Variants in ADAM12 observed in about 807,000 individuals in gnomAD.
ADAM12 encodes the protein disintegrin and metalloproteinase domain-containing protein 12.
Under a neutral mutation model 106.4 loss-of-function variants are expected in ADAM12, and 70 were observed. The observed-to-expected ratio is 0.66, with a 90% CI of 0.54 to 0.80. ADAM12 has a LOEUF of 0.80. Ranked by LOEUF, ADAM12 falls within the 30% of genes least tolerant of loss-of-function variation. ADAM12 has a pLI of 0.00. For missense variants in ADAM12, 1,010 were observed against 1,171.9 expected, an observed-to-expected ratio of 0.86 and a Z score of 2.02; for synonymous variants, 420 against 433.5, an observed-to-expected ratio of 0.97 and a Z score of 0.39.
chr10:126,052,377 G>A (rs757754699), intron 14 of ADAM12, among the ~76,000 whole-genome samples: 12 of 152,236 alleles, frequency 7.9e-5, no homozygotes, highest in Non-Finnish European at 1.3e-4. Context: ...GGTGGGTGGA[G>A]TTGACATCAC....
intron 8 of ADAM12, among the ~76,000 whole-genome samples, chr10:126,102,934 C>T (rs1047412846): frequency 6.6e-6 from 1 of 152,098 alleles, no homozygotes; most frequent in African/African-American, 2.4e-5. Context: ...AAAGCAGAAA[C>T]GGAGGCGATC....
At chr10:126,350,526 T>C (rs779034736) in intron 1 of ADAM12, among the ~76,000 whole-genome samples, 1 of 152,216 alleles carries the variant, frequency 6.6e-6, no homozygotes, top group Non-Finnish European at 1.5e-5. Flanking sequence ...CCCTGTCAAC[T>C]CCATCATTCT....
intron 3 of ADAM12, among the ~76,000 whole-genome samples, chr10:126,254,194 G>A (rs1310012320): frequency 6.6e-6 from 1 of 152,194 alleles, no homozygotes; most frequent in Admixed American, 6.5e-5. Context: ...TCTGCAGGCA[G>A]CCTCCCTGGG....
intron 11 of ADAM12, among the ~76,000 whole-genome samples, chr10:126,084,232 G>A (rs1022899451): frequency 3.9e-5 from 6 of 152,152 alleles, no homozygotes; most frequent in Non-Finnish European, 8.8e-5. Flanking sequence ...GAAGCTTCTG[G>A]ACGTTACCAG....
intron 11 of ADAM12, among the ~76,000 whole-genome samples, chr10:126,081,076 A>G (rs1410147191): frequency 1.4e-5 from 2 of 141,514 alleles, no homozygotes; most frequent in African/African-American, 5.5e-5. Flanking sequence ...TGGAGAAACC[A>G]GCTATAATCA....
At chr10:126,158,561 G>A (rs1417148984) in intron 3 of ADAM12, among the ~76,000 whole-genome samples, 10 of 114,560 alleles carry the variant, frequency 8.7e-5, no homozygotes, top group African/African-American at 3.2e-4. Context: ...CAGAGCATGG[G>A]GCAGGGATGC....
rs903891695 is a variant in ADAM12 at position 126,023,824 on chromosome 10, G to A, written c.2530-3999C>T. 1.3e-5 allele frequency among the ~76,000 whole-genome samples: 2 copies of A among 151,934 alleles called. 1 individual carries two copies. The highest frequency in any genetic ancestry group is 4.8e-5 in the African/African-American group (2 of 41,334). ...AAACTGGTACTGCCTCCAGGCACCT[G>A]GCAGAGGCAAAATAGCCCTTTATGG... On this transcript the variant is annotated intron_variant, in intron 21 of 22. Coordinates refer to ENST00000448723, the MANE Select transcript of ADAM12 (RefSeq NM_001288973.2).
intron 5 of ADAM12, among the ~76,000 whole-genome samples, chr10:126,129,253 G>A (rs1458580248): frequency 6.6e-6 from 1 of 152,210 alleles, no homozygotes; most frequent in African/African-American, 2.4e-5. Context: ...TGAGAGAGCG[G>A]GGCAAGAGAA....
rs920103359 is a variant in ADAM12, at chr10:126,364,126, T to C, written c.88+23932A>G. Among the ~76,000 whole-genome samples the C allele has an allele frequency of 3.9e-4, 60 of 151,990 alleles. 2 individuals carry two copies. The highest frequency in any genetic ancestry group is 2.9e-5 in the Non-Finnish European group (2 of 67,978). ...CATGTCTAAAAAAAGTTAATAAAAT[T>C]CAGTATCCAATACTTTTTTTTTTAA... is the stretch of plus-strand genomic sequence containing the variant. On this transcript the variant is annotated intron_variant, in intron 1 of 22. Transcript: ENST00000448723.
At chr10:126,136,890 C>G (rs1046683145) in intron 4 of ADAM12, among the ~76,000 whole-genome samples, 3 of 152,098 alleles carry the variant, frequency 2.0e-5, no homozygotes, top group African/African-American at 7.2e-5. Flanking sequence ...TAATACTCTG[C>G]CTGTTATTAC....
chr10:126,212,468 C>G (rs1207757160), intron 3 of ADAM12, among the ~76,000 whole-genome samples: 1 of 152,140 alleles, frequency 6.6e-6, no homozygotes, highest in African/African-American at 2.4e-5. Context: ...CTTGATTAAA[C>G]ATTGGTTTAT....
intron 3 of ADAM12, among the ~76,000 whole-genome samples, chr10:126,155,767 G>A (rs1262494626): frequency 2.6e-5 from 4 of 152,184 alleles, no homozygotes; most frequent in Non-Finnish European, 5.9e-5. Flanking sequence ...CCACAGCAGT[G>A]CCCCTGCTGG....
rs1295182369 is a variant in ADAM12, at chr10:126,066,155, T to C, written c.1413+562A>G. ...ACTCTCAGATATCAGCTCTGAATAATGAGACAATGGAACTGCCAAAAGAAA... is the reference window on the plus strand; with the variant it reads ...ACTCTCAGATATCAGCTCTGAATAACGAGACAATGGAACTGCCAAAAGAAA... On this transcript the variant is annotated intron_variant, in intron 13 of 22. Coordinates refer to ENST00000448723, the MANE Select transcript of ADAM12 (RefSeq NM_001288973.2). The surrounding 1 kb of genome is among the most constrained non-coding windows in gnomAD (Gnocchi z 5.1). 6.6e-6 allele frequency among the ~76,000 whole-genome samples: 1 copy of C among 152,148 alleles called. No individual in the cohort carries two copies. Among genetic ancestry groups the C allele is most frequent in the Non-Finnish European group, 1.5e-5 (1 of 68,038 alleles).
intron 5 of ADAM12, among the ~76,000 whole-genome samples, chr10:126,135,211 A>T (rs1446809502): frequency 1.3e-5 from 2 of 152,264 alleles, no homozygotes; most frequent in Non-Finnish European, 2.9e-5. Context: ...ACATTAAGCC[A>T]GCAGCTTCAA....
chr10:126,195,060 T>C (rs974410901), intron 3 of ADAM12, among the ~76,000 whole-genome samples: 1 of 147,744 alleles, frequency 6.8e-6, no homozygotes, highest in African/African-American at 2.6e-5. Context: ...TGTAGAATCT[T>C]AAAAAGTTAA....
At chr10:126,262,048 G>A (rs1959012410) in intron 3 of ADAM12, among the ~76,000 whole-genome samples, 1 of 152,078 alleles carries the variant, frequency 6.6e-6, no homozygotes, top group African/African-American at 2.4e-5. Flanking sequence ...TCTTTGAAAA[G>A]TCATCAATAG....
rs1409583970 is a variant in ADAM12, at chr10:126,066,115, A to G, written c.1413+602T>C. On this transcript the variant is annotated intron_variant, in intron 13 of 22. Coordinates refer to ENST00000448723, the MANE Select transcript of ADAM12 (RefSeq NM_001288973.2). The surrounding 1 kb of genome is among the most constrained non-coding windows in gnomAD (Gnocchi z 5.1). ...CTCTACCCTTGGAACTGTTGAATCA[A>G]AAGCTCAGGCTTCTACTCTCAGATA... Among the ~76,000 whole-genome samples the G allele has an allele frequency of 6.6e-6, 1 of 152,210 alleles. No individual in the cohort carries two copies. Among genetic ancestry groups the G allele is most frequent in the Non-Finnish European group, 1.5e-5 (1 of 68,046 alleles).
chr10:126,070,546 T>C (rs1239653674), intron 12 of ADAM12: 1 of 152,182 alleles, frequency 6.6e-6, no homozygotes, highest in East Asian at 1.9e-4. Flanking sequence ...CTCAACACGA[T>C]TTCTCCTCCA....
At chr10:126,025,434 A>T (rs915376483) in intron 21 of ADAM12, among the ~76,000 whole-genome samples, 3 of 150,550 alleles carry the variant, frequency 2.0e-5, no homozygotes, top group African/African-American at 7.3e-5. Flanking sequence ...GCAGAGGAAA[A>T]AATCTCGGAG....
Sources: allele counts gnomAD v4.1 joint callset (sites outside exome capture counted in the v4.1 genomes callset), GRCh38; gene constraint gnomAD v4.1.1; non-coding constraint Gnocchi (gnomAD v3.1); transcripts MANE v1.5; gene names NCBI Gene and HGNC (gene_info 2026-07-23, HGNC 2026-07-21).